The following ZNF385D variants were observed in gnomAD, a reference collection of about 807,000 sequenced individuals.
The protein encoded by ZNF385D is zinc finger protein 659.
ZNF385D carries 15 observed loss-of-function variants against 35.8 expected under a neutral mutation model. The observed-to-expected ratio is 0.42, with a 90% CI of 0.28 to 0.64. ZNF385D has a LOEUF of 0.64. ZNF385D is among the 30% of genes least tolerant of loss of function. The pLI, the probability that ZNF385D is intolerant of heterozygous loss-of-function variation, is 0.23. For missense variants in ZNF385D, 474 were observed against 494.6 expected, an observed-to-expected ratio of 0.96 and a Z score of 0.39; for synonymous variants, 212 against 186.8, an observed-to-expected ratio of 1.13 and a Z score of -1.10.
chr3:21,603,064 G>C (rs1340098732), intron 2 of ZNF385D, among the ~76,000 whole-genome samples: 2 of 152,012 alleles, frequency 1.3e-5, no homozygotes, highest in Non-Finnish European at 2.9e-5. Context: ...CTATCATTCA[G>C]AGTCCAGCTT....
intron 3 of ZNF385D, among the ~76,000 whole-genome samples, chr3:21,998,468 C>T (rs1576118709): frequency 6.6e-6 from 1 of 152,292 alleles, no homozygotes; most frequent in South Asian, 2.1e-4. Context: ...GCATATCTTT[C>T]AATTATAAAT....
chr3:22,100,784 G>T (rs1701895820), intron 3 of ZNF385D, among the ~76,000 whole-genome samples: 1 of 151,724 alleles, frequency 6.6e-6, no homozygotes, highest in Admixed American at 6.6e-5. Flanking sequence ...GTATACATAT[G>T]TAACTAACCT....
intron 3 of ZNF385D, among the ~76,000 whole-genome samples, chr3:22,045,264 T>C (rs1698917336): frequency 6.6e-6 from 1 of 152,146 alleles, no homozygotes; most frequent in Admixed American, 6.6e-5. Flanking sequence ...GAGTTGATTT[T>C]TCAATGGGGT....
Position 21,868,920 on chromosome 3 carries a change from G to C in ZNF385D, c.326-203892C>G, listed in dbSNP as rs373907844. On this transcript the variant is annotated intron_variant, in intron 3 of 5. Transcript: ENST00000494108. ...CTTCCTGAATTAGACCCTATTTTCA[G>C]AGGTGAAATTTTATGCTCTCTCATA... Among the ~76,000 whole-genome samples, 24 of 152,032 alleles carry C rather than the reference G, an allele frequency of 1.6e-4. 1 individual carries two copies. Among genetic ancestry groups the C allele is most frequent in the Admixed American group, 9.8e-4 (15 of 15,238 alleles).
chr3:21,436,534 TA>T (rs745431113), intron 5 of ZNF385D, among the ~76,000 whole-genome samples: 4 of 152,154 alleles, frequency 2.6e-5, no homozygotes, highest in Non-Finnish European at 5.9e-5. Flanking sequence ...CAAATAACAT[TA>T]TTTTTTTCAT....
intron 3 of ZNF385D, among the ~76,000 whole-genome samples, chr3:22,147,847 A>T (rs921852771): frequency 3.3e-5 from 5 of 152,160 alleles, no homozygotes; most frequent in Non-Finnish European, 7.3e-5. Context: ...AGAAACTAGG[A>T]AAGAAATACT....
intron 2 of ZNF385D, among the ~76,000 whole-genome samples, chr3:21,594,359 A>C (rs1038206358): frequency 1.5e-4 from 23 of 152,192 alleles, no homozygotes; most frequent in Non-Finnish European, 3.1e-4. Context: ...CTCTGAGACA[A>C]AGATTGCACC....
chr3:22,080,488 T>C (rs866259095), intron 3 of ZNF385D, among the ~76,000 whole-genome samples: 2 of 152,096 alleles, frequency 1.3e-5, no homozygotes, highest in Non-Finnish European at 2.9e-5. Flanking sequence ...ATCATATAAA[T>C]AAAAGCTTTA....
chr3:21,977,309 C>T (rs1345702245), intron 3 of ZNF385D, among the ~76,000 whole-genome samples: 1 of 150,238 alleles, frequency 6.7e-6, no homozygotes, highest in Non-Finnish European at 1.5e-5. Context: ...TTTGTATATA[C>T]ATACTACATT....
chr3:22,101,908 C>T (rs1701963474), intron 3 of ZNF385D, among the ~76,000 whole-genome samples: 1 of 151,378 alleles, frequency 6.6e-6, no homozygotes, highest in South Asian at 2.1e-4. Flanking sequence ...AAGTGATTTA[C>T]TCAAGTAACA....
At chr3:21,666,426 C>T (rs911725264) in intron 1 of ZNF385D, among the ~76,000 whole-genome samples, 3 of 152,206 alleles carry the variant, frequency 2.0e-5, no homozygotes, top group Non-Finnish European at 4.4e-5. Flanking sequence ...CACTGTCTTA[C>T]CTTCCTTCTT....
At chr3:21,541,312 G>A (rs953370632) in intron 3 of ZNF385D, among the ~76,000 whole-genome samples, 1 of 152,126 alleles carries the variant, frequency 6.6e-6, no homozygotes, top group Admixed American at 6.5e-5. Flanking sequence ...AGATTTGGGG[G>A]CAGAAGGTAA....
intron 2 of ZNF385D, among the ~76,000 whole-genome samples, chr3:21,581,852 C>G (rs982335239): frequency 6.6e-6 from 1 of 152,104 alleles, no homozygotes; most frequent in African/African-American, 2.4e-5. Context: ...AGGTACAGAG[C>G]CAGGGCCCCA....
At chr3:22,065,263 G>A (rs1303149804) in intron 3 of ZNF385D, among the ~76,000 whole-genome samples, 1 of 152,212 alleles carries the variant, frequency 6.6e-6, no homozygotes, top group African/African-American at 2.4e-5. Flanking sequence ...TAGAGAATGA[G>A]GACTTTTAAG....
chr3:22,158,942 G>GTACAAAAGTTACAAACAAAAGTTT (rs1705770036), intron 3 of ZNF385D, among the ~76,000 whole-genome samples: 1 of 151,964 alleles, frequency 6.6e-6, no homozygotes, highest in Non-Finnish European at 1.5e-5. Context: ...TGTAAAGGAA[G>GTACAAAAGTTACAAACAAAAGTTT]GAAAACAAAA....
At chr3:21,928,641 T>C (rs1372501896) in intron 3 of ZNF385D, among the ~76,000 whole-genome samples, 2 of 152,098 alleles carry the variant, frequency 1.3e-5, no homozygotes, top group African/African-American at 4.8e-5. Flanking sequence ...GATTACCAAA[T>C]TGAGGAATCA....
intron 3 of ZNF385D, among the ~76,000 whole-genome samples, chr3:22,131,016 G>A (rs1703752524): frequency 6.6e-6 from 1 of 152,124 alleles, no homozygotes; most frequent in Non-Finnish European, 1.5e-5. Flanking sequence ...AATCATGCAT[G>A]CTTAGAGAAC....
intron 2 of ZNF385D, among the ~76,000 whole-genome samples, chr3:22,296,667 G>A (rs1702597975): frequency 6.6e-6 from 1 of 152,108 alleles, no homozygotes; most frequent in African/African-American, 2.4e-5. Context: ...TCACTTGACT[G>A]CACTCCTTGC....
intron 3 of ZNF385D, among the ~76,000 whole-genome samples, chr3:21,944,026 T>C (rs1701659110): frequency 6.6e-6 from 1 of 152,178 alleles, no homozygotes; most frequent in South Asian, 2.1e-4. Context: ...AGATGCTAAG[T>C]CTATGATTAA....
Sources: allele counts gnomAD v4.1 joint callset (sites outside exome capture counted in the v4.1 genomes callset), GRCh38; gene constraint gnomAD v4.1.1; transcripts MANE v1.5; gene names NCBI Gene and HGNC (gene_info 2026-07-23, HGNC 2026-07-21).